CCDC158: variants seen among roughly 807,000 people sequenced by gnomAD.
CCDC158 encodes coiled-coil domain containing 158, also known as coiled-coil domain-containing protein 158.
CCDC158 carries 116 observed loss-of-function variants against 138.6 expected under a neutral mutation model. The ratio of observed to expected loss-of-function variants is 0.84; its 90% confidence interval spans 0.72 to 0.98. The LOEUF (loss-of-function observed/expected upper bound fraction) is 0.98. CCDC158 is among the 50% of genes least tolerant of loss of function. CCDC158 has a pLI of 0.00. For synonymous variants in CCDC158, 436 were observed against 442.4 expected (o/e 0.99, Z 0.18); for missense variants, 1,265 against 1,306.1 (o/e 0.97, Z 0.48).
In CCDC158 at chr4:76,355,453, G is replaced by A. The variant is rs1723456317; in HGVS notation, c.2174-17C>T. ...CTTTCATAGCTGGAAAAAAAAAAGA[G>A]GCAAACTATGCCTTAGGTTCTTAAG... On this transcript the variant is annotated splice_polypyrimidine_tract_variant and intron_variant, in intron 14 of 24. Transcript: ENST00000682701. 2 of 1,493,618 alleles carry A rather than the reference G, an allele frequency of 1.3e-6. No individual in the cohort carries two copies. The highest frequency in any genetic ancestry group is 1.9e-6 in the Non-Finnish European group (2 of 1,072,512). 92.5% of individuals were successfully genotyped at this position (1,493,618 alleles called of 1,614,324 possible).
intron 21 of CCDC158, among the ~76,000 whole-genome samples, chr4:76,330,000 G>A (rs1055239911): frequency 6.6e-6 from 1 of 152,116 alleles, no homozygotes; most frequent in African/African-American, 2.4e-5. Context: ...TCATAATAAA[G>A]AAAAAGTTAT....
At chr4:76,413,999 T>C (rs1407466081) in intron 1 of CCDC158, among the ~76,000 whole-genome samples, 1 of 152,160 alleles carries the variant, frequency 6.6e-6, no homozygotes. Flanking sequence ...GGCTGTGCAG[T>C]GGTGGCTCAA....
At chr4:76,329,572 A>C (rs530461003) in intron 21 of CCDC158, among the ~76,000 whole-genome samples, 1 of 152,308 alleles carries the variant, frequency 6.6e-6, no homozygotes, top group East Asian at 1.9e-4. Flanking sequence ...CGACAGGGAG[A>C]GACTCTGTCT....
chr4:76,354,767 A>C (rs1041378207), intron 15 of CCDC158, among the ~76,000 whole-genome samples: 1 of 152,220 alleles, frequency 6.6e-6, no homozygotes, highest in South Asian at 2.1e-4. Context: ...CCGGTGTTAC[A>C]GGAAACTCTC....
chr4:76,361,174 A>T (rs1285336341), intron 13 of CCDC158, among the ~76,000 whole-genome samples: 1 of 151,998 alleles, frequency 6.6e-6, no homozygotes, highest in African/African-American at 2.4e-5. Flanking sequence ...CTTCTCCTTC[A>T]TCTTCCACGA....
rs1422079493 is a variant in CCDC158, at chr4:76,387,945, A to G, written c.289-3280T>C. Among the ~76,000 whole-genome samples, 3 of 151,956 alleles carry G rather than the reference A, an allele frequency of 2.0e-5. No individual in the cohort carries two copies. The South Asian group carries it at 6.3e-4, about 32-fold the overall frequency. ...GGAGAATCATTTGAACCCGGGAGGG[A>G]GAGGTTGCAGTGAGCTGAGATGGCA... On this transcript the variant is annotated intron_variant, in intron 4 of 24. Transcript: ENST00000682701.
At chr4:76,328,091 G>A (rs1229521490) in intron 22 of CCDC158, among the ~76,000 whole-genome samples, 1 of 151,956 alleles carries the variant, frequency 6.6e-6, no homozygotes, top group Non-Finnish European at 1.5e-5. Flanking sequence ...TCTAGTCTGA[G>A]TTATGCCACT....
intron 3 of CCDC158, among the ~76,000 whole-genome samples, chr4:76,398,610 T>C (rs1440777470): frequency 3.5e-5 from 5 of 142,208 alleles, no homozygotes; most frequent in African/African-American, 1.3e-4. Context: ...GAGGTGGCAG[T>C]GAGCTGAGAT....
At chr4:76,409,541 T>C (rs1443159504) in intron 2 of CCDC158, among the ~76,000 whole-genome samples, 4 of 152,084 alleles carry the variant, frequency 2.6e-5, no homozygotes, top group Admixed American at 1.3e-4. Context: ...TTTTAAAAAG[T>C]AGTATCTAGG....
At chr4:76,362,892 T>C (rs892829691) in intron 12 of CCDC158, among the ~76,000 whole-genome samples, 3 of 152,152 alleles carry the variant, frequency 2.0e-5, no homozygotes, top group African/African-American at 7.2e-5. Context: ...AGAATAATAA[T>C]AAAAGCAGGT....
At chr4:76,358,834 C>T (rs1723834883) in intron 13 of CCDC158, among the ~76,000 whole-genome samples, 1 of 152,174 alleles carries the variant, frequency 6.6e-6, no homozygotes, top group African/African-American at 2.4e-5. Context: ...GTGGGGTTTC[C>T]AGGTTCTACC....
intron 18 of CCDC158, among the ~76,000 whole-genome samples, chr4:76,347,674 T>C (rs2110157609): frequency 6.6e-6 from 1 of 152,240 alleles, no homozygotes; most frequent in South Asian, 2.1e-4. Context: ...ACCTGCACGT[T>C]CTGCACATGT....
At position 76,313,055 on chromosome 4, in the gene CCDC158, G is replaced by C. The variant is rs74341013; in HGVS notation, c.*115C>G. The stretch of plus-strand genomic sequence containing the variant: ...ATTTCAAAATAGAGTTTACAAGACA[G>C]GGTATCTTTTATTAAATTTTCACAT... On this transcript the variant is annotated 3_prime_UTR_variant, in exon 25 of 25. Coordinates refer to ENST00000682701, the MANE Select transcript of CCDC158 (RefSeq NM_001394954.1). 1 of 611,406 alleles carries C rather than the reference G, an allele frequency of 1.6e-6. No homozygotes were observed. Among genetic ancestry groups the C allele is most frequent in the African/African-American group, 1.9e-5 (1 of 53,180 alleles). The allele number at this position is 611,406 out of a possible 1,614,324, so 37.9% of individuals were successfully genotyped here. A position where few individuals can be genotyped will look rare whatever the true frequency, so the allele number is the denominator to read the frequency against.
At chr4:76,369,352 T>C in intron 11 of CCDC158, 74 bp downstream of exon 11, 2 of 1,425,292 alleles carry the variant, frequency 1.4e-6, no homozygotes. Context: ...AATAAAAAGC[T>C]CTATTTAGAC....
At chr4:76,327,130 T>G (rs1720602898) in intron 22 of CCDC158, among the ~76,000 whole-genome samples, 1 of 152,094 alleles carries the variant, frequency 6.6e-6, no homozygotes, top group South Asian at 2.1e-4. Flanking sequence ...ATCAATATAA[T>G]AAGGCAAGGA....
intron 19 of CCDC158, among the ~76,000 whole-genome samples, chr4:76,333,452 A>G (rs540960475): frequency 6.6e-6 from 1 of 152,344 alleles, no homozygotes; most frequent in Admixed American, 6.5e-5. Flanking sequence ...GTCTGTAGCT[A>G]TGTGCAAAGA....
rs145252048 is a variant in CCDC158, at chr4:76,383,898, A to G, written c.727-160T>C. 4.0e-3 allele frequency among the ~76,000 whole-genome samples: 608 copies of G among 152,304 alleles called. 3 individuals are homozygous for G. The highest frequency in any genetic ancestry group is 0.014 in the African/African-American group (577 of 41,566). On this transcript the variant is annotated intron_variant, in intron 6 of 24. Transcript: ENST00000682701. The stretch of plus-strand genomic sequence containing the variant: ...TTTTATTAGATCTTTTACTTTGTCT[A>G]TACTCTCATGAAGCTATACGGTAAA...
intron 2 of CCDC158, among the ~76,000 whole-genome samples, chr4:76,409,154 T>C (rs978434279): frequency 6.6e-6 from 1 of 152,228 alleles, no homozygotes; most frequent in East Asian, 1.9e-4. Context: ...TTAAATAATA[T>C]TTGTAATTCA....
intron 18 of CCDC158, among the ~76,000 whole-genome samples, chr4:76,336,181 CAAAAAAAAAAAAAA>C (rs34498886): frequency 7.1e-5 from 4 of 56,042 alleles, no homozygotes; most frequent in Admixed American, 3.1e-4. Context: ...GACTCTGTCT[CAAAAAAAAAAAAAA>C]AAAAAAAAAA....
Sources: allele counts gnomAD v4.1 joint callset (sites outside exome capture counted in the v4.1 genomes callset), GRCh38; gene constraint gnomAD v4.1.1; transcripts MANE v1.5; gene names NCBI Gene and HGNC (gene_info 2026-07-23, HGNC 2026-07-21).